NCKAP5: variants seen among roughly 807,000 people sequenced by gnomAD.
NCKAP5 encodes NCK associated protein 5.
A neutral mutation model predicts 167.0 loss-of-function variants in NCKAP5; 92 were observed. The ratio of observed to expected loss-of-function variants is 0.55; its 90% confidence interval spans 0.47 to 0.66. NCKAP5 has a LOEUF of 0.66. Ranked by LOEUF, NCKAP5 falls within the 30% of genes least tolerant of loss-of-function variation. The pLI is 0.00. For synonymous variants in NCKAP5, 891 were observed against 877.4 expected, an observed-to-expected ratio of 1.02 and a Z score of -0.27; for missense variants, 2,378 against 2,315.0, an observed-to-expected ratio of 1.03 and a Z score of -0.56.
intron 8 of NCKAP5, among the ~76,000 whole-genome samples, chr2:132,927,021 C>A (rs1295930565): frequency 6.6e-6 from 1 of 152,130 alleles, no homozygotes; most frequent in Non-Finnish European, 1.5e-5. Flanking sequence ...ACATTTAAGG[C>A]TTTGATTCAT....
intron 3 of NCKAP5, among the ~76,000 whole-genome samples, chr2:133,498,119 A>G (rs1682102369): frequency 6.6e-6 from 1 of 152,164 alleles, no homozygotes; most frequent in Non-Finnish European, 1.5e-5. Flanking sequence ...GGAAAAAAAG[A>G]TATCCATAAG....
chr2:133,619,875 A>G, the NCKAP5 span, among the ~76,000 whole-genome samples: 1 of 152,180 alleles, frequency 6.6e-6, no homozygotes, highest in African/African-American at 2.4e-5. Flanking sequence ...TAACCTAAAA[A>G]GGAAAACCTA....
intron 3 of NCKAP5, among the ~76,000 whole-genome samples, chr2:133,480,809 C>T (rs1680356442): frequency 1.3e-5 from 2 of 152,148 alleles, no homozygotes; most frequent in South Asian, 4.1e-4. Context: ...TTATGCCCTG[C>T]CTGGGAAAAA....
chr2:132,921,125 C>T (rs1319444843), intron 8 of NCKAP5, among the ~76,000 whole-genome samples: 1 of 151,854 alleles, frequency 6.6e-6, no homozygotes, highest in Non-Finnish European at 1.5e-5. Flanking sequence ...TTTTCTCATC[C>T]TCTCACGAAG....
At chr2:132,708,840 A>G (rs1354880054) in intron 19 of NCKAP5, among the ~76,000 whole-genome samples, 1 of 152,136 alleles carries the variant, frequency 6.6e-6, no homozygotes, top group African/African-American at 2.4e-5. Flanking sequence ...GCTGTATGTA[A>G]TACCAATGTC....
chr2:133,193,859 T>A (rs2085330150), intron 5 of NCKAP5, among the ~76,000 whole-genome samples: 1 of 152,158 alleles, frequency 6.6e-6, no homozygotes, highest in African/African-American at 2.4e-5. Flanking sequence ...TTCCAAAGTA[T>A]ATTTTAAAAG....
chr2:133,076,078 T>G (rs1307067846), intron 6 of NCKAP5, among the ~76,000 whole-genome samples: 1 of 152,226 alleles, frequency 6.6e-6, no homozygotes, highest in Non-Finnish European at 1.5e-5. Flanking sequence ...TTATCTTTTC[T>G]GCATCCCAAT....
At chr2:133,604,225 A>T in the NCKAP5 span, among the ~76,000 whole-genome samples, 1 of 152,122 alleles carries the variant, frequency 6.6e-6, no homozygotes, top group Non-Finnish European at 1.5e-5. Flanking sequence ...TTGTTTTTAG[A>T]GACAGAATCT....
the NCKAP5 span, among the ~76,000 whole-genome samples, chr2:133,659,441 T>A: frequency 6.6e-6 from 1 of 152,200 alleles, no homozygotes; most frequent in East Asian, 1.9e-4. Context: ...GCGAAGAACT[T>A]TTATTTTTAG....
intron 8 of NCKAP5, among the ~76,000 whole-genome samples, chr2:132,905,711 TGAATTTTCCCGATAATTTTTGAGCCACC>T (rs1473966586): frequency 6.6e-6 from 1 of 152,204 alleles, no homozygotes. Flanking sequence ...ATTTATACAC[TGAATTTTCCCGATAATTTTTGAGCCACC>T]ATTCCTCATT....
At chr2:133,376,473 C>A (rs546807835) in intron 3 of NCKAP5, among the ~76,000 whole-genome samples, 8 of 152,224 alleles carry the variant, frequency 5.3e-5, no homozygotes, top group African/African-American at 1.9e-4. Flanking sequence ...TGAAATATTG[C>A]CCCTTGTTTC....
chr2:132,835,043 AT>A (rs555233752), intron 11 of NCKAP5, among the ~76,000 whole-genome samples: 18 of 150,934 alleles, frequency 1.2e-4, no homozygotes, highest in Admixed American at 2.0e-4. Context: ...AATTTTATCC[AT>A]TTTTTTTCTG....
chr2:132,778,785 A>G (rs1031737650), intron 15 of NCKAP5, among the ~76,000 whole-genome samples: 5 of 152,234 alleles, frequency 3.3e-5, no homozygotes, highest in African/African-American at 1.2e-4. Context: ...CTGTGGTGTT[A>G]AAATACATCT....
intron 6 of NCKAP5, among the ~76,000 whole-genome samples, chr2:133,112,949 T>G (rs1441676844): frequency 6.6e-6 from 1 of 152,176 alleles, no homozygotes; most frequent in East Asian, 1.9e-4. Flanking sequence ...AGCAAATGGA[T>G]ACGATGAAAC....
At chr2:133,076,288 T>C (rs1038618249) in intron 6 of NCKAP5, among the ~76,000 whole-genome samples, 1 of 152,160 alleles carries the variant, frequency 6.6e-6, no homozygotes, top group East Asian at 1.9e-4. Context: ...ATACCTATAC[T>C]GTATGTCCAA....
At chr2:133,073,380 C>G (rs1458437545) in intron 6 of NCKAP5, among the ~76,000 whole-genome samples, 1 of 152,110 alleles carries the variant, frequency 6.6e-6, no homozygotes, top group East Asian at 1.9e-4. Flanking sequence ...TTGGCTAACC[C>G]CTAAGGTACA....
At chr2:133,348,407 C>T (rs1684122470) in intron 3 of NCKAP5, among the ~76,000 whole-genome samples, 1 of 152,112 alleles carries the variant, frequency 6.6e-6, no homozygotes, top group African/African-American at 2.4e-5. Flanking sequence ...TTATACATCA[C>T]TATGCATTTG....
At chr2:133,504,911 C>T (rs1682866900) in intron 3 of NCKAP5, among the ~76,000 whole-genome samples, 1 of 152,112 alleles carries the variant, frequency 6.6e-6, no homozygotes. Flanking sequence ...TCCCCAGTTC[C>T]CCCCCAAAAC....
intron 19 of NCKAP5, among the ~76,000 whole-genome samples, chr2:132,695,242 A>C (rs1687192152): frequency 6.6e-6 from 1 of 152,134 alleles, no homozygotes; most frequent in African/African-American, 2.4e-5. Flanking sequence ...TGTCTGTCAA[A>C]TCTATGCTTA....
Sources: gnomAD v4.1 joint callset for allele counts (sites outside exome capture counted in the v4.1 genomes callset) on GRCh38, gnomAD v4.1.1 for gene constraint, MANE v1.5 for transcripts, NCBI Gene and HGNC (gene_info 2026-07-23, HGNC 2026-07-21) for gene names.